Variants in SLC5A7 observed in about 807,000 individuals in gnomAD.
SLC5A7 encodes the protein high affinity choline transporter 1.
SLC5A7 carries 19 observed loss-of-function variants against 55.4 expected under a neutral mutation model. The observed-to-expected ratio is 0.34, with a 90% confidence interval of 0.24 to 0.50. SLC5A7 has a LOEUF of 0.50. Ranked by LOEUF, SLC5A7 falls within the 20% of genes least tolerant of loss-of-function variation. The pLI, the probability that SLC5A7 is intolerant of heterozygous loss-of-function variation, is 0.98. For synonymous variants in SLC5A7, 265 were observed against 263.7 expected (o/e 1.00, Z -0.05); for missense variants, 506 against 705.3 (o/e 0.72, Z 3.20).
At chr2:107,999,324 G>C (rs1353801481) in intron 5 of SLC5A7, among the ~76,000 whole-genome samples, 2 of 152,170 alleles carry the variant, frequency 1.3e-5, no homozygotes, top group Non-Finnish European at 2.9e-5. Flanking sequence ...AGCCAGGTTG[G>C]TTTGGCAATG....
Position 108,010,354 on chromosome 2 carries a change from T to A in SLC5A7, c.1236T>A (p.Leu412=). The A allele has an allele frequency of 6.2e-7, 1 of 1,613,940 alleles. No individual in the cohort carries two copies. The highest frequency in any genetic ancestry group is 8.5e-7 in the Non-Finnish European group (1 of 1,179,926). The change falls in exon 9 of 9, where the codon CTT becomes CTA. Residue 412 remains leucine, a synonymous_variant. Coordinates refer to ENST00000264047, the MANE Select transcript of SLC5A7 (RefSeq NM_021815.5). The part of the protein sequence containing the change: ...VYGLWYLSSD[L]VYIVIFPQLL... ...GGCTCTGGTACCTCAGTTCTGACCTTGTTTACATCGTTATCTTCCCCCAGC... is the reference window on the plus strand; with the variant it reads ...GGCTCTGGTACCTCAGTTCTGACCTAGTTTACATCGTTATCTTCCCCCAGC...
At chr2:107,990,171 C>T (rs1375761581) in intron 2 of SLC5A7, among the ~76,000 whole-genome samples, 2 of 152,058 alleles carry the variant, frequency 1.3e-5, no homozygotes, top group African/African-American at 4.8e-5. Context: ...ATGGATCTGA[C>T]ACAAAATATA....
chr2:107,993,735 A>C (rs1677546450), intron 4 of SLC5A7, among the ~76,000 whole-genome samples: 1 of 152,230 alleles, frequency 6.6e-6, no homozygotes, highest in Non-Finnish European at 1.5e-5. Flanking sequence ...AGAGATGTTG[A>C]CTTTTTAAAT....
rs1678317381 is a variant in SLC5A7 at position 108,011,263 on chromosome 2, A to T, written c.*402A>T. The T allele has an allele frequency of 6.4e-6, 1 of 156,086 alleles. No homozygotes were observed. The highest frequency in any genetic ancestry group is 1.4e-5 in the Non-Finnish European group (1 of 70,950). 9.7% of individuals were successfully genotyped at this position (156,086 alleles called of 1,614,324 possible). On this transcript the variant is annotated 3_prime_UTR_variant, in exon 9 of 9. Transcript: ENST00000264047. ...CTAATGCACTGATGAGTCTAGTTTC[A>T]TTATAGCACGAAGCTATGAGAATAA...
chr2:108,005,834 C>T (rs939661493), intron 6 of SLC5A7, among the ~76,000 whole-genome samples: 3 of 152,152 alleles, frequency 2.0e-5, no homozygotes, highest in African/African-American at 4.8e-5. Context: ...AATACCATCA[C>T]CTTGGGGATC....
In SLC5A7 at chr2:108,010,668, T is replaced by C. The variant is rs760760816; in HGVS notation, c.1550T>C (p.Val517Ala). The change falls in exon 9 of 9, where the codon GTT becomes GCT. Residue 517 changes from valine (V) to alanine (A), a missense_variant. Physicochemically the swap from Val to Ala is moderately conservative, Grantham distance 64. This residue lies in a region of SLC5A7 where 137 missense variants were observed against 143.6 expected (regional missense o/e 0.95). Transcript: ENST00000264047. ...LPPKLDVFDA[V>A]VARHSEENMD... is the part of the protein sequence containing the mutation. The stretch of plus-strand genomic sequence containing the variant: ...CCTAAATTAGATGTATTTGATGCTG[T>C]TGTTGCAAGACACAGTGAAGAAAAC... 1.2e-5 allele frequency: 20 copies of C among 1,613,866 alleles called. No homozygotes were observed. The highest frequency in any genetic ancestry group is 1.2e-5 in the Non-Finnish European group (14 of 1,179,958).
chr2:107,997,918 C>T lies in SLC5A7; in HGVS notation c.529C>T (p.Leu177=). Residue 177 remains leucine, a synonymous_variant, in exon 5 of 9, where the codon CTG becomes TTG. Coordinates refer to ENST00000264047, the MANE Select transcript of SLC5A7 (RefSeq NM_021815.5). ...TGCACTCATTGCCACTCTGTACACA[C>T]TGGTGGGAGGGCTCTATTCTGTGGC... is the stretch of plus-strand genomic sequence containing the variant. ...ISALIATLYT[L]VGGLYSVAYT... The T allele has an allele frequency of 6.2e-7, 1 of 1,614,048 alleles. No homozygotes were observed.
At chr2:107,993,290 T>G (rs1677527258) in intron 4 of SLC5A7, among the ~76,000 whole-genome samples, 163 bp downstream of exon 4, 1 of 152,264 alleles carries the variant, frequency 6.6e-6, no homozygotes, top group African/African-American at 2.4e-5. Flanking sequence ...CTACGTTTAC[T>G]TGCAATATGG....
chr2:107,988,050 C>A, intron 1 of SLC5A7, 55 bp from the exon 2 acceptor site: 1 of 1,168,386 alleles, frequency 8.6e-7, no homozygotes, highest in Admixed American at 2.1e-5. Flanking sequence ...TTCCTGGCTG[C>A]CTACATGTGC....
chr2:108,004,351 G>T (rs1678026243), intron 6 of SLC5A7, among the ~76,000 whole-genome samples: 1 of 152,136 alleles, frequency 6.6e-6, no homozygotes, highest in South Asian at 2.1e-4. Context: ...CAGGAATGGG[G>T]TTATGAATTT....
rs1351455221 is a variant in SLC5A7, at chr2:107,995,464, A to AGTGT, written c.448+2338_448+2339insTGTG. Among the ~76,000 whole-genome samples the AGTGT allele has an allele frequency of 3.9e-3, 500 of 129,094 alleles. 2 individuals are homozygous for AGTGT. The highest frequency in any genetic ancestry group is 0.026 in the Middle Eastern group (6 of 230). 84.7% of individuals were successfully genotyped at this position (129,094 alleles called of 152,430 possible). ...CTTTGGGAGAGAGAGAGAGAGAGAG[A>AGTGT]GAGAGAGTGTGTGTGTGTGTGTGTG... On this transcript the variant is annotated intron_variant, in intron 4 of 8. Coordinates refer to ENST00000264047, the MANE Select transcript of SLC5A7 (RefSeq NM_021815.5).
intron 4 of SLC5A7, among the ~76,000 whole-genome samples, chr2:107,996,273 G>C (rs547623146): frequency 4.6e-5 from 7 of 152,216 alleles, no homozygotes; most frequent in African/African-American, 1.4e-4. Context: ...AACTCAGTCA[G>C]TTATCTGAAG....
chr2:107,994,331 C>A (rs1357606480), intron 4 of SLC5A7, among the ~76,000 whole-genome samples: 1 of 152,172 alleles, frequency 6.6e-6, no homozygotes, highest in African/African-American at 2.4e-5. Context: ...CGCCTGTAAT[C>A]CCAGCACTTT....
chr2:107,996,122 T>G (rs1184102709), intron 4 of SLC5A7, among the ~76,000 whole-genome samples: 1 of 152,100 alleles, frequency 6.6e-6, no homozygotes, highest in Non-Finnish European at 1.5e-5. Context: ...TTTTCATAAT[T>G]CATGGTATAT....
At chr2:107,999,627 T>G (rs949195040) in intron 5 of SLC5A7, among the ~76,000 whole-genome samples, 2 of 152,242 alleles carry the variant, frequency 1.3e-5, no homozygotes, top group African/African-American at 4.8e-5. Flanking sequence ...TTCCAAACTT[T>G]AATTGCTGTG....
rs1327180838 is a variant in SLC5A7 at position 108,011,183 on chromosome 2, T to C, written c.*322T>C. On this transcript the variant is annotated 3_prime_UTR_variant, in exon 9 of 9. Transcript: ENST00000264047. Reference sequence around the variant, plus strand: ...ATTTGTTATGATAAAAGGAAGTAGATGTGAAAAAGCCTAAGAAAAAGGAAA... The same window carrying C: ...ATTTGTTATGATAAAAGGAAGTAGACGTGAAAAAGCCTAAGAAAAAGGAAA... 5.1e-6 allele frequency: 1 copy of C among 194,216 alleles called. No homozygotes were observed. The highest frequency in any genetic ancestry group is 1.0e-5 in the Non-Finnish European group (1 of 96,648). 12.0% of individuals were successfully genotyped at this position (194,216 alleles called of 1,614,324 possible).
rs972902596 is a variant in SLC5A7 at position 108,011,703 on chromosome 2, A to T, written c.*842A>T. 2.0e-5 allele frequency: 3 copies of T among 152,118 alleles called. No homozygotes were observed. Among genetic ancestry groups the T allele is most frequent in the Non-Finnish European group, 2.9e-5 (2 of 68,028 alleles). 9.4% of individuals were successfully genotyped at this position (152,118 alleles called of 1,614,324 possible). A position where few individuals can be genotyped will look rare whatever the true frequency, so the allele number is the denominator to read the frequency against. On this transcript the variant is annotated 3_prime_UTR_variant, in exon 9 of 9. Coordinates refer to ENST00000264047, the MANE Select transcript of SLC5A7 (RefSeq NM_021815.5). ...TTTGCCCCATGATAAAATAAGTAAC[A>T]TATAAATTAATACATAAGTTAATAT...
chr2:108,003,930 T>A (rs1250900891), intron 6 of SLC5A7, among the ~76,000 whole-genome samples: 1 of 152,158 alleles, frequency 6.6e-6, no homozygotes, highest in Non-Finnish European at 1.5e-5. Flanking sequence ...GTATTCCAGG[T>A]TGCAGACTGT....
chr2:107,992,721 A>G (rs1291338484), intron 3 of SLC5A7, among the ~76,000 whole-genome samples: 1 of 152,220 alleles, frequency 6.6e-6, no homozygotes, highest in Admixed American at 6.5e-5. Context: ...GTGCTGGTTC[A>G]TGTTTTTCAA....
Sources: gnomAD v4.1 joint callset for allele counts (sites outside exome capture counted in the v4.1 genomes callset) on GRCh38, gnomAD v4.1.1 for gene constraint, gnomAD v4.1.1 regional missense constraint, MANE v1.5 for transcripts, NCBI Gene and HGNC (gene_info 2026-07-23, HGNC 2026-07-21) for gene names.